The following CDH22 variants were observed in gnomAD, a reference collection of about 807,000 sequenced individuals.
CDH22 encodes cadherin 22.
CDH22 carries 30 observed loss-of-function variants against 58.4 expected under a neutral mutation model. The ratio of observed to expected loss-of-function variants is 0.51; its 90% CI spans 0.38 to 0.70. The LOEUF (loss-of-function observed/expected upper bound fraction) is 0.70. Among genes scored for constraint, CDH22 ranks in the 30% least tolerant of loss-of-function variants. The pLI is 0.00. For missense variants in CDH22, 1,014 were observed against 1,233.9 expected (o/e 0.82, Z 2.67); for synonymous variants, 513 against 558.2 (o/e 0.92, Z 1.14).
intron 1 of CDH22, among the ~76,000 whole-genome samples, chr20:46,283,426 C>T (rs903012403): frequency 2.0e-5 from 3 of 152,256 alleles, no homozygotes; most frequent in Admixed American, 6.5e-5. Flanking sequence ...GGAACTGCCC[C>T]CGGGGCTATG....
intron 1 of CDH22, among the ~76,000 whole-genome samples, chr20:46,307,882 C>T (rs970540328): frequency 8.6e-5 from 13 of 151,892 alleles, no homozygotes; most frequent in Non-Finnish European, 1.5e-4. Flanking sequence ...CGCCACCTTC[C>T]CAGCCCCTTT....
chr20:46,290,454 G>A (rs998801883), intron 1 of CDH22, among the ~76,000 whole-genome samples: 12 of 152,210 alleles, frequency 7.9e-5, no homozygotes, highest in African/African-American at 2.9e-4. Flanking sequence ...AGCCCCAAAT[G>A]TCAATAGAGC....
At chr20:46,298,781 T>C (rs2086639231) in intron 1 of CDH22, among the ~76,000 whole-genome samples, 1 of 152,080 alleles carries the variant, frequency 6.6e-6, no homozygotes, top group Non-Finnish European at 1.5e-5. Flanking sequence ...TCCCCTAATT[T>C]GGTTAATGGA....
intron 1 of CDH22, among the ~76,000 whole-genome samples, chr20:46,271,678 T>G (rs912035266): frequency 1.3e-5 from 2 of 152,152 alleles, no homozygotes; most frequent in African/African-American, 2.4e-5. Flanking sequence ...TACTTGGCTC[T>G]CAGCAGCATT....
At chr20:46,221,056 A>C (rs2086121242) in intron 4 of CDH22, among the ~76,000 whole-genome samples, 1 of 152,116 alleles carries the variant, frequency 6.6e-6, no homozygotes, top group Admixed American at 6.6e-5. Context: ...TCCTCTTGGA[A>C]TCCTGAGACC....
chr20:46,240,162 T>C (rs921474841), intron 3 of CDH22, among the ~76,000 whole-genome samples: 1 of 152,066 alleles, frequency 6.6e-6, no homozygotes, highest in Non-Finnish European at 1.5e-5. Flanking sequence ...GAGCTGCCTG[T>C]CTCATTCATC....
intron 1 of CDH22, among the ~76,000 whole-genome samples, chr20:46,281,149 G>C (rs1053036084): frequency 4.6e-5 from 7 of 152,206 alleles, no homozygotes; most frequent in Non-Finnish European, 8.8e-5. Context: ...GTTTGATCAA[G>C]GGAGTGACAT....
intron 4 of CDH22, 63 bp downstream of exon 4, chr20:46,227,445 T>C: frequency 1.4e-6 from 2 of 1,414,044 alleles, no homozygotes; most frequent in Non-Finnish European, 1.9e-6. Context: ...GGGGTGGTCC[T>C]CGTCCCGCCC....
chr20:46,303,290 C>T (rs6017767), intron 1 of CDH22, among the ~76,000 whole-genome samples: 1 of 152,006 alleles, frequency 6.6e-6, no homozygotes, highest in Non-Finnish European at 1.5e-5. Context: ...CTTCTCTGCT[C>T]TTATTCCTCC....
intron 8 of CDH22, among the ~76,000 whole-genome samples, chr20:46,189,307 TTTAA>T (rs1362980942): frequency 1.3e-5 from 2 of 152,118 alleles, no homozygotes; most frequent in African/African-American, 4.8e-5. Flanking sequence ...AACCGTTATT[TTTAA>T]GAGTGCGTTG....
chr20:46,216,265 G>A lies in CDH22; in HGVS notation c.838+561C>T, dbSNP rs2086084551. 6.6e-6 allele frequency among the ~76,000 whole-genome samples: 1 copy of A among 152,234 alleles called. No individual in the cohort carries two copies. Among genetic ancestry groups the A allele is most frequent in the Admixed American group, 6.5e-5 (1 of 15,284 alleles). ...CCCGCTGTGCCAGCAGAGGCAGAGG[G>A]TGGAAAGGCCTCCTAATTCAGAAGC... On this transcript the variant is annotated intron_variant, in intron 5 of 11. Transcript: ENST00000537909. The surrounding 1 kb of genome is among the most constrained non-coding windows in gnomAD (Gnocchi z 5.3).
chr20:46,270,361 G>C (rs1337531674), intron 1 of CDH22, among the ~76,000 whole-genome samples: 2 of 152,180 alleles, frequency 1.3e-5, no homozygotes, highest in Admixed American at 1.3e-4. Context: ...ACTCACCCCA[G>C]ACTGTGAGCA....
intron 3 of CDH22, among the ~76,000 whole-genome samples, chr20:46,230,115 A>G (rs959851415): frequency 1.3e-5 from 2 of 152,126 alleles, no homozygotes; most frequent in African/African-American, 4.8e-5. Context: ...CTTCTTCAGA[A>G]GTCAGCAGCT....
At chr20:46,269,296 A>T (rs1429833612) in intron 1 of CDH22, among the ~76,000 whole-genome samples, 1 of 152,164 alleles carries the variant, frequency 6.6e-6, no homozygotes, top group African/African-American at 2.4e-5. Context: ...TCAAAGCTGG[A>T]AATCCATGAC....
At chr20:46,266,347 G>A (rs957607973) in intron 1 of CDH22, among the ~76,000 whole-genome samples, 1 of 152,164 alleles carries the variant, frequency 6.6e-6, no homozygotes, top group African/African-American at 2.4e-5. Context: ...GGTCATTCAG[G>A]GGCCAAGCCT....
At chr20:46,230,840 A>G (rs1415526173) in intron 3 of CDH22, among the ~76,000 whole-genome samples, 1 of 152,198 alleles carries the variant, frequency 6.6e-6, no homozygotes, top group Admixed American at 6.5e-5. Context: ...TCAGATTTCT[A>G]TGCTCAGCAC....
intron 1 of CDH22, among the ~76,000 whole-genome samples, chr20:46,307,263 G>T (rs528619233): frequency 6.6e-6 from 1 of 152,350 alleles, no homozygotes; most frequent in Non-Finnish European, 1.5e-5. Flanking sequence ...GACCTCGGGG[G>T]ATCCTGGATC....
intron 1 of CDH22, among the ~76,000 whole-genome samples, chr20:46,267,900 G>A (rs1057095009): frequency 2.0e-5 from 3 of 152,256 alleles, no homozygotes; most frequent in Admixed American, 6.5e-5. Flanking sequence ...CAGGAACACC[G>A]TGGCAGGGGT....
At chr20:46,260,330 C>T (rs181491277) in intron 1 of CDH22, among the ~76,000 whole-genome samples, 1 of 152,294 alleles carries the variant, frequency 6.6e-6, no homozygotes, top group Admixed American at 6.5e-5. Context: ...TGTTGTGGAA[C>T]TACTGAATTA....
Sources: gnomAD v4.1 joint callset for allele counts (sites outside exome capture counted in the v4.1 genomes callset) on GRCh38, gnomAD v4.1.1 for gene constraint, Gnocchi (gnomAD v3.1) non-coding constraint, MANE v1.5 for transcripts, NCBI Gene and HGNC (gene_info 2026-07-23, HGNC 2026-07-21) for gene names.